Variants in RBPJ observed in about 807,000 individuals in gnomAD.
RBPJ encodes the protein recombining binding protein suppressor of hairless.
Under a neutral mutation model 67.8 loss-of-function variants are expected in RBPJ, and 9 were observed. The observed-to-expected ratio is 0.13, with a 90% CI of 0.08 to 0.23. The LOEUF is 0.23. Ranked by LOEUF, RBPJ falls within the 10% of genes least tolerant of loss-of-function variation. The pLI is 1.00. For missense variants in RBPJ, 305 were observed against 595.6 expected (o/e 0.51, Z 5.08); for synonymous variants, 198 against 203.3 (o/e 0.97, Z 0.22).
At chr4:26,236,425 G>A (rs909530108) in intron 1 of RBPJ, among the ~76,000 whole-genome samples, 17 of 152,060 alleles carry the variant, frequency 1.1e-4, no homozygotes, top group African/African-American at 3.6e-4. Flanking sequence ...TTTCATTCAG[G>A]GTCTCTCATG....
upstream of RBPJ, among the ~76,000 whole-genome samples, chr4:26,162,873 C>T (rs533283310): frequency 1.7e-4 from 26 of 152,244 alleles, no homozygotes; most frequent in Admixed American, 1.2e-3. Flanking sequence ...GGAGGAAGAG[C>T]GGCAGGGAGA....
chr4:26,418,833 T>G (rs1734842209), intron 4 of RBPJ, among the ~76,000 whole-genome samples: 1 of 152,194 alleles, frequency 6.6e-6, no homozygotes, highest in Admixed American at 6.5e-5. Flanking sequence ...TTGTTTAGGC[T>G]TAATTTGACC....
At chr4:26,236,824 A>G (rs11731297) in intron 1 of RBPJ, among the ~76,000 whole-genome samples, 2,904 of 152,328 alleles carry the variant, frequency 0.019, 33 homozygotes, top group Non-Finnish European at 0.028. Context: ...TAAGCCCCGT[A>G]CATTGTAAAC....
chr4:26,421,093 A>G (rs1222819490), intron 5 of RBPJ, among the ~76,000 whole-genome samples: 1 of 152,156 alleles, frequency 6.6e-6, no homozygotes, highest in Non-Finnish European at 1.5e-5. Flanking sequence ...TGATCTACCC[A>G]CAATGTCAAC....
chr4:26,338,872 G>T (rs1369434602), intron 1 of RBPJ, among the ~76,000 whole-genome samples: 3 of 150,090 alleles, frequency 2.0e-5, no homozygotes, highest in Admixed American at 6.7e-5. Flanking sequence ...GGCAAAGTTG[G>T]GTGTGTGTGT....
chr4:26,269,661 C>T (rs1266193624), intron 1 of RBPJ, among the ~76,000 whole-genome samples: 5 of 152,138 alleles, frequency 3.3e-5, no homozygotes, highest in African/African-American at 1.2e-4. Flanking sequence ...GACTCTGTCT[C>T]AATTCATTCT....
chr4:26,113,411 T>C, the RBPJ span: 1 of 541,030 alleles, frequency 1.8e-6, no homozygotes, highest in East Asian at 3.9e-5. Context: ...ACCCTATGAA[T>C]GTACTGAATG....
At chr4:26,172,848 G>A (rs548416678) in intron 1 of RBPJ, among the ~76,000 whole-genome samples, 4 of 152,196 alleles carry the variant, frequency 2.6e-5, no homozygotes, top group Non-Finnish European at 5.9e-5. Context: ...TAACTTATAT[G>A]TAGAACTGGG....
intron 1 of RBPJ, among the ~76,000 whole-genome samples, chr4:26,256,338 C>G (rs1720345052): frequency 6.6e-6 from 1 of 151,132 alleles, no homozygotes; most frequent in Admixed American, 6.6e-5. Context: ...CTGGAGAAAT[C>G]AGGATACAAC....
At chr4:26,282,436 T>A (rs1721306031) in intron 1 of RBPJ, among the ~76,000 whole-genome samples, 1 of 152,122 alleles carries the variant, frequency 6.6e-6, no homozygotes, top group African/African-American at 2.4e-5. Flanking sequence ...ACATAACAGT[T>A]GAATGACACA....
chr4:26,277,464 C>T (rs1397158380), intron 1 of RBPJ, among the ~76,000 whole-genome samples: 1 of 152,204 alleles, frequency 6.6e-6, no homozygotes, highest in African/African-American at 2.4e-5. Context: ...GGGACCAGGA[C>T]GAGGCTGCAA....
the RBPJ span, among the ~76,000 whole-genome samples, chr4:26,149,042 G>A: frequency 1.3e-5 from 2 of 152,248 alleles, no homozygotes; most frequent in Admixed American, 1.3e-4. Context: ...AACATGAAGA[G>A]TGGGGCCACA....
At chr4:26,190,036 C>T (rs1717422088) in intron 1 of RBPJ, among the ~76,000 whole-genome samples, 2 of 152,174 alleles carry the variant, frequency 1.3e-5, no homozygotes, top group South Asian at 4.1e-4. Flanking sequence ...AATACCTGTG[C>T]ATCAGATAAT....
chr4:26,138,949 C>T, the RBPJ span, among the ~76,000 whole-genome samples: 5 of 152,238 alleles, frequency 3.3e-5, no homozygotes, highest in African/African-American at 1.2e-4. Context: ...TGAGATTGCT[C>T]TGCGCTCAAG....
chr4:26,183,889 G>A (rs1287663729), intron 1 of RBPJ, among the ~76,000 whole-genome samples: 2 of 152,136 alleles, frequency 1.3e-5, no homozygotes, highest in Non-Finnish European at 2.9e-5. Flanking sequence ...GCACGCACCT[G>A]TAGTCTCAGC....
chr4:26,124,845 C>A, the RBPJ span, among the ~76,000 whole-genome samples: 1 of 151,848 alleles, frequency 6.6e-6, no homozygotes, highest in Non-Finnish European at 1.5e-5. Flanking sequence ...TTCAGCTTCA[C>A]ATAATCTTAT....
chr4:26,153,235 T>A, the RBPJ span, among the ~76,000 whole-genome samples: 1 of 152,242 alleles, frequency 6.6e-6, no homozygotes, highest in Non-Finnish European at 1.5e-5. Flanking sequence ...TGAATGTAGA[T>A]GCTACTGAGA....
chr4:26,403,632 G>A (rs571445485), intron 2 of RBPJ, among the ~76,000 whole-genome samples: 7 of 151,994 alleles, frequency 4.6e-5, no homozygotes, highest in South Asian at 2.1e-4. Context: ...GAGAACATGC[G>A]ATATTTGTTT....
chr4:26,171,217 T>C (rs1427262191), intron 1 of RBPJ, among the ~76,000 whole-genome samples: 1 of 152,240 alleles, frequency 6.6e-6, no homozygotes, highest in East Asian at 1.9e-4. Flanking sequence ...GAAATATTTC[T>C]TAAATATAAA....
Sources: allele counts gnomAD v4.1 joint callset (sites outside exome capture counted in the v4.1 genomes callset), GRCh38; gene constraint gnomAD v4.1.1; transcripts MANE v1.5; gene names NCBI Gene and HGNC (gene_info 2026-07-23, HGNC 2026-07-21).